Variants in VAMP7 observed in about 807,000 individuals in gnomAD.
The protein encoded by VAMP7 is vesicle associated membrane protein 7, also known as vesicle-associated membrane protein 7.
Under a neutral mutation model 29.6 loss-of-function variants are expected in VAMP7, and 14 were observed. The ratio of observed to expected loss-of-function variants is 0.47; its 90% CI spans 0.31 to 0.74. The LOEUF (loss-of-function observed/expected upper bound fraction) is 0.74, where lower values mean the gene tolerates loss of function less well. Ranked by LOEUF, VAMP7 falls within the 30% of genes least tolerant of loss-of-function variation. VAMP7 has a pLI of 0.05. For missense variants in VAMP7, 223 were observed against 262.4 expected (o/e 0.85, Z 1.04); for synonymous variants, 95 against 88.1 (o/e 1.08, Z -0.44).
Position 155,910,249 on chromosome X carries a change from C to T in VAMP7, c.434-9564C>T, listed in dbSNP as rs28493023. On this transcript the variant is annotated intron_variant, in intron 5 of 7. Transcript: ENST00000286448. ...GCCTTATATCACTTAACATAATAACCTCCAGTTACATCCATGTTGCTGTAA... is the reference window on the plus strand; with the variant it reads ...GCCTTATATCACTTAACATAATAACTTCCAGTTACATCCATGTTGCTGTAA... Among the ~76,000 whole-genome samples, 1,081 of 152,272 alleles carry T rather than the reference C, an allele frequency of 7.1e-3. 16 individuals carry two copies. The highest frequency in any genetic ancestry group is 0.025 in the African/African-American group (1,036 of 41,548).
At chrX:155,928,116 T>A (rs1005719387) in intron 6 of VAMP7, among the ~76,000 whole-genome samples, 1 of 151,798 alleles carries the variant, frequency 6.6e-6, no homozygotes, top group Non-Finnish European at 1.5e-5. Flanking sequence ...TAGAGACGGG[T>A]CTCCCTATGT....
chrX:155,889,507 T>C lies in VAMP7; in HGVS notation c.41T>C (p.Ile14Thr), dbSNP rs1292974855. The change falls in exon 2 of 8, where the codon ATC (isoleucine) becomes ACC (threonine). Residue 14 changes from isoleucine to threonine, a missense_variant. Transcript: ENST00000286448. The stretch of plus-strand genomic sequence containing the variant: ...GCTGTTGTTGCCAGGGGGACCACTA[T>C]CCTTGCCAAACATGCTTGGTGTGGA... ...LFAVVARGTT[I>T]LAKHAWCGGN... 1.2e-6 allele frequency: 2 copies of C among 1,613,822 alleles called. No homozygotes were observed. The highest frequency in any genetic ancestry group is 2.2e-5 in the South Asian group (2 of 91,068).
chrX:155,891,890 A>G (rs1244244171), intron 2 of VAMP7, among the ~76,000 whole-genome samples: 1 of 152,144 alleles, frequency 6.6e-6, no homozygotes, highest in East Asian at 1.9e-4. Context: ...TTAGCTTCTT[A>G]TGATTTTGGC....
intron 5 of VAMP7, among the ~76,000 whole-genome samples, chrX:155,911,083 G>C (rs2066230706): frequency 1.3e-5 from 2 of 152,122 alleles, no homozygotes; most frequent in African/African-American, 4.8e-5. Flanking sequence ...TGAAATTTAA[G>C]TCTTTAATCT....
At chrX:155,940,046 G>A (rs2066721008) in intron 7 of VAMP7, among the ~76,000 whole-genome samples, 1 of 102,008 alleles carries the variant, frequency 9.8e-6, no homozygotes, top group Non-Finnish European at 1.9e-5. Flanking sequence ...CAGAAATGTA[G>A]TTATTTTAAA....
At position 155,905,462 on chromosome X, in the gene VAMP7, CAT is replaced by C. The variant is rs778978250; in HGVS notation, c.433+4878_433+4879del. On this transcript the variant is annotated intron_variant, in intron 5 of 7. Transcript: ENST00000286448. Reference sequence around the variant, plus strand: ...TTTCTTTAGTTTGTGCTTTGAATAACATATCTAAGAAACTGTCGCCTAAGCCA... The same window carrying C: ...TTTCTTTAGTTTGTGCTTTGAATAACATCTAAGAAACTGTCGCCTAAGCCA... Among the ~76,000 whole-genome samples, 287 of 152,154 alleles carry C rather than the reference CAT, an allele frequency of 1.9e-3. 3 individuals are homozygous for C. The highest frequency in any genetic ancestry group is 6.4e-3 in the African/African-American group (265 of 41,540).
chrX:155,919,874 G>A lies in VAMP7; in HGVS notation c.495G>A (p.Val165=). 6.2e-7 allele frequency: 1 copy of A among 1,611,404 alleles called. No individual in the cohort carries two copies. Among genetic ancestry groups the A allele is most frequent in the Non-Finnish European group, 8.5e-7 (1 of 1,178,086 alleles). ...ELLIDKTENL[V]DSSVTFKTTS... is the part of the protein sequence containing the mutation. Reference sequence around the variant, plus strand: ...TGATTGACAAAACAGAAAATCTTGTGGATTCTGTAAGTATGGAATCTGATA... The same window carrying A: ...TGATTGACAAAACAGAAAATCTTGTAGATTCTGTAAGTATGGAATCTGATA... The change falls in exon 6 of 8, where the codon GTG becomes GTA. Residue 165 remains valine, a synonymous_variant. Coordinates refer to ENST00000286448, the MANE Select transcript of VAMP7 (RefSeq NM_005638.6).
intron 6 of VAMP7, among the ~76,000 whole-genome samples, chrX:155,935,647 C>T (rs930689526): frequency 6.6e-6 from 1 of 152,102 alleles, no homozygotes; most frequent in African/African-American, 2.4e-5. Context: ...TGGGTTCAAA[C>T]TTCCTCCTTT....
rs2066754941 is a variant in VAMP7, at chrX:155,942,158, C to T, written c.*207C>T. 1 of 1,549,964 alleles carries T rather than the reference C, an allele frequency of 6.5e-7. No homozygotes were observed. The highest frequency in any genetic ancestry group is 8.7e-7 in the Non-Finnish European group (1 of 1,145,780). On this transcript the variant is annotated 3_prime_UTR_variant, in exon 8 of 8. Coordinates refer to ENST00000286448, the MANE Select transcript of VAMP7 (RefSeq NM_005638.6). The stretch of plus-strand genomic sequence containing the variant: ...CCTGTGAACTTCAGATTGAACCATT[C>T]ATTGCAGCAGTAGCCTTAAAAAGGC...
At chrX:155,907,925 G>A (rs749843665) in intron 5 of VAMP7, among the ~76,000 whole-genome samples, 303 of 152,162 alleles carry the variant, frequency 2.0e-3, no homozygotes, top group Middle Eastern at 0.01. Context: ...CAGAAGGGGC[G>A]GCGGGGCAGA....
intron 6 of VAMP7, among the ~76,000 whole-genome samples, chrX:155,923,891 A>T (rs886428395): frequency 6.6e-6 from 1 of 151,902 alleles, no homozygotes; most frequent in African/African-American, 2.4e-5. Context: ...TGCAGTTCGC[A>T]ATCTGCTGTT....
chrX:155,942,968 G>T lies in VAMP7; in HGVS notation c.*1017G>T, dbSNP rs1355306228. On this transcript the variant is annotated 3_prime_UTR_variant, in exon 8 of 8. Coordinates refer to ENST00000286448, the MANE Select transcript of VAMP7 (RefSeq NM_005638.6). ...ATAATAGTTTTGAGCATTCTTTGTG[G>T]TTAAATAAATTCTTAAATCTGCCTA... 1.3e-5 allele frequency: 2 copies of T among 151,746 alleles called. No homozygotes were observed. Among genetic ancestry groups the T allele is most frequent in the Admixed American group, 1.3e-4 (2 of 15,220 alleles). The allele number at this position is 151,746 out of a possible 1,614,324, so 9.4% of individuals were successfully genotyped here.
intron 5 of VAMP7, among the ~76,000 whole-genome samples, chrX:155,901,460 A>G (rs186420625): frequency 3.3e-5 from 5 of 152,182 alleles, no homozygotes; most frequent in African/African-American, 9.6e-5. Context: ...AGAAAAATCA[A>G]CGTTTTTAAT....
At chrX:155,939,589 G>A (rs1290324897) in intron 6 of VAMP7, 112 bp from the exon 7 acceptor site, 6 of 799,140 alleles carry the variant, frequency 7.5e-6, no homozygotes, top group African/African-American at 5.1e-5. Flanking sequence ...CTTGTAAAGA[G>A]AGGTCATTGG....
chrX:155,920,371 C>G (rs1427935443), intron 6 of VAMP7, among the ~76,000 whole-genome samples: 8 of 152,160 alleles, frequency 5.3e-5, no homozygotes, highest in African/African-American at 1.9e-4. Context: ...TCCTTGTGAG[C>G]TGCTTATACT....
intron 6 of VAMP7, among the ~76,000 whole-genome samples, chrX:155,939,281 A>C (rs1400241973): frequency 6.6e-6 from 1 of 152,166 alleles, no homozygotes; most frequent in Non-Finnish European, 1.5e-5. Context: ...GTAAATACAT[A>C]TCTTCCTACA....
At chrX:155,909,993 T>TGTCAATATTAG (rs2066213760) in intron 5 of VAMP7, among the ~76,000 whole-genome samples, 1 of 152,124 alleles carries the variant, frequency 6.6e-6, no homozygotes, top group Non-Finnish European at 1.5e-5. Flanking sequence ...TATAATACAC[T>TGTCAATATTAG]ATTGTTAACT....
At chrX:155,884,363 G>A (rs1244850513) in intron 1 of VAMP7, among the ~76,000 whole-genome samples, 1 of 151,860 alleles carries the variant, frequency 6.6e-6, no homozygotes, top group African/African-American at 2.4e-5. Context: ...CTGACCTTGG[G>A]TGATCCGCCC....
chrX:155,928,879 T>C (rs929728347), intron 6 of VAMP7, among the ~76,000 whole-genome samples: 1 of 152,224 alleles, frequency 6.6e-6, no homozygotes, highest in Non-Finnish European at 1.5e-5. Flanking sequence ...TATGTTCGGA[T>C]TTATTAGTTT....
Sources: gnomAD v4.1 joint callset for allele counts (sites outside exome capture counted in the v4.1 genomes callset) on GRCh38, gnomAD v4.1.1 for gene constraint, MANE v1.5 for transcripts, NCBI Gene and HGNC (gene_info 2026-07-23, HGNC 2026-07-21) for gene names.